PEMT: variants seen among roughly 807,000 people sequenced by gnomAD.
PEMT encodes the protein phosphatidylethanolamine N-methyltransferase.
Under a neutral mutation model 27.4 loss-of-function variants are expected in PEMT, and 23 were observed. That is an observed-to-expected ratio of 0.84 (90% confidence interval 0.60 to 1.19). The LOEUF (loss-of-function observed/expected upper bound fraction) is 1.19. PEMT is among the 50% of genes most tolerant of loss of function. The pLI, the probability that PEMT is intolerant of heterozygous loss-of-function variation, is 0.00. For missense variants in PEMT, 307 were observed against 310.1 expected, an observed-to-expected ratio of 0.99 and a Z score of 0.07; for synonymous variants, 137 against 139.1, an observed-to-expected ratio of 0.98 and a Z score of 0.11.
At chr17:17,566,943 G>A (rs1314520022) in intron 2 of PEMT, among the ~76,000 whole-genome samples, 1 of 152,244 alleles carries the variant, frequency 6.6e-6, no homozygotes, top group Non-Finnish European at 1.5e-5. Context: ...CAGTGTGGGA[G>A]GGATCCCGAG....
chr17:17,558,476 C>T (rs2142680237), intron 2 of PEMT, among the ~76,000 whole-genome samples: 1 of 151,472 alleles, frequency 6.6e-6, no homozygotes, highest in South Asian at 2.1e-4. Context: ...CCATTGTACT[C>T]CAACCTGGGC....
chr17:17,581,226 C>A (rs140999520), intron 1 of PEMT, among the ~76,000 whole-genome samples: 1 of 152,246 alleles, frequency 6.6e-6, no homozygotes, highest in East Asian at 1.9e-4. Flanking sequence ...GAATTCAACT[C>A]GATGTTAGTC....
In PEMT at chr17:17,563,866, T is replaced by G. The variant is rs1470311115; in HGVS notation, c.204+13054A>C. 2.0e-5 allele frequency among the ~76,000 whole-genome samples: 3 copies of G among 152,158 alleles called. No homozygotes were observed. The South Asian group carries it at 6.2e-4, about 32-fold the overall frequency. On this transcript the variant is annotated intron_variant, in intron 2 of 6. Coordinates refer to ENST00000255389, the MANE Select transcript of PEMT (RefSeq NM_148172.3). The stretch of plus-strand genomic sequence containing the variant: ...CCTCACCCAGGAGTGGGGCACAGTC[T>G]GCCCGCCTCCCCAGGAGGGCACTGG...
intron 2 of PEMT, among the ~76,000 whole-genome samples, chr17:17,567,802 G>GA (rs1460880798): frequency 3.9e-5 from 6 of 152,220 alleles, no homozygotes; most frequent in Admixed American, 6.5e-5. Flanking sequence ...TCTGCTCAAA[G>GA]AAAAACCCTT....
chr17:17,572,706 C>A (rs552258466), intron 2 of PEMT, among the ~76,000 whole-genome samples: 24 of 152,350 alleles, frequency 1.6e-4, no homozygotes, highest in Non-Finnish European at 2.9e-4. Flanking sequence ...TGGTGCCCAG[C>A]GCACAGTAGA....
At chr17:17,531,743 C>G (rs994462118) in intron 2 of PEMT, among the ~76,000 whole-genome samples, 4 of 149,698 alleles carry the variant, frequency 2.7e-5, no homozygotes, top group African/African-American at 9.8e-5. Context: ...ATATATCAAT[C>G]TAAATATATA....
chr17:17,543,074 A>G (rs550473650), intron 2 of PEMT, among the ~76,000 whole-genome samples: 1 of 152,312 alleles, frequency 6.6e-6, no homozygotes, highest in South Asian at 2.1e-4. Context: ...CCACCGGGGA[A>G]GCATGTCAGA....
At chr17:17,590,873 G>C (rs1400383309) in intron 1 of PEMT, among the ~76,000 whole-genome samples, 1 of 152,222 alleles carries the variant, frequency 6.6e-6, no homozygotes, top group African/African-American at 2.4e-5. Flanking sequence ...CTCTGGCCTA[G>C]GACTCTGCAG....
intron 2 of PEMT, among the ~76,000 whole-genome samples, chr17:17,554,087 G>T (rs911752029): frequency 3.9e-5 from 6 of 152,242 alleles, no homozygotes; most frequent in African/African-American, 2.4e-5. Flanking sequence ...CAGGCTCGGG[G>T]CCTGGTAGCC....
intron 2 of PEMT, among the ~76,000 whole-genome samples, chr17:17,552,138 G>T (rs374296791): frequency 1.4e-4 from 22 of 152,102 alleles, no homozygotes; most frequent in African/African-American, 5.1e-4. Flanking sequence ...GGAGGTGGAG[G>T]TTGTCTCTAC....
chr17:17,505,618 GC>G lies in PEMT; in HGVS notation c.*172del, dbSNP rs1366248980. 1.8e-6 allele frequency: 1 copy of G among 569,684 alleles called. No homozygotes were observed. The highest frequency in any genetic ancestry group is 2.8e-6 in the Non-Finnish European group (1 of 353,862). The allele number at this position is 569,684 out of a possible 1,614,324, so 35.3% of individuals were successfully genotyped here. A position where few individuals can be genotyped will look rare whatever the true frequency, so the allele number is the denominator to read the frequency against. ...GGAATGTGTGGGTTGGAGCTCAATGGCCATATGTCGGCACGTCCAGGGTCCC... is the reference window on the plus strand; with the variant it reads ...GGAATGTGTGGGTTGGAGCTCAATGGCATATGTCGGCACGTCCAGGGTCCC... On this transcript the variant is annotated 3_prime_UTR_variant, in exon 7 of 7. Coordinates refer to ENST00000255389, the MANE Select transcript of PEMT (RefSeq NM_148172.3).
At chr17:17,572,949 G>A (rs1376140889) in intron 2 of PEMT, among the ~76,000 whole-genome samples, 1 of 152,182 alleles carries the variant, frequency 6.6e-6, no homozygotes, top group African/African-American at 2.4e-5. Flanking sequence ...AGCACTTTGG[G>A]AGGCCAACGC....
intron 2 of PEMT, among the ~76,000 whole-genome samples, chr17:17,566,945 G>A (rs779187990): frequency 6.6e-6 from 1 of 152,224 alleles, no homozygotes; most frequent in African/African-American, 2.4e-5. Context: ...GTGTGGGAGG[G>A]ATCCCGAGAG....
intron 2 of PEMT, among the ~76,000 whole-genome samples, chr17:17,574,586 G>C (rs1911453543): frequency 6.6e-6 from 1 of 152,178 alleles, no homozygotes; most frequent in Non-Finnish European, 1.5e-5. Context: ...CTCCCAAAGT[G>C]CTGGGATTAC....
In PEMT at chr17:17,561,746, C is replaced by A. The variant is rs1041652158; in HGVS notation, c.204+15174G>T. ...GAGGCCCAGAGATATGAGGGGGGCA[C>A]AACCGCACCGGGCTCCCGAGGATGG... On this transcript the variant is annotated intron_variant, in intron 2 of 6. Coordinates refer to ENST00000255389, the MANE Select transcript of PEMT (RefSeq NM_148172.3). This position sits in a 1 kb window ranked among gnomAD's most constrained non-coding sequence, Gnocchi z 4.5. Among the ~76,000 whole-genome samples, 14 of 152,318 alleles carry A rather than the reference C, an allele frequency of 9.2e-5. No homozygotes were observed. The highest frequency in any genetic ancestry group is 1.6e-4 in the Non-Finnish European group (11 of 68,032).
chr17:17,539,177 C>T (rs1024718512), intron 2 of PEMT, among the ~76,000 whole-genome samples: 3 of 152,108 alleles, frequency 2.0e-5, no homozygotes, highest in East Asian at 1.9e-4. Context: ...GATGGGGTCT[C>T]GCTATGTTGC....
chr17:17,552,515 G>A (rs1029603335), intron 2 of PEMT, among the ~76,000 whole-genome samples: 1 of 152,160 alleles, frequency 6.6e-6, no homozygotes, highest in Admixed American at 6.5e-5. Context: ...TGGGTGAGAC[G>A]CTGCTCCTCA....
intron 1 of PEMT, among the ~76,000 whole-genome samples, chr17:17,580,650 CTA>C (rs1911920509): frequency 6.6e-6 from 1 of 152,184 alleles, no homozygotes; most frequent in African/African-American, 2.4e-5. Context: ...ACAGCAGACC[CTA>C]TGAGTGGGCC....
chr17:17,510,542 A>C (rs1312722763), intron 4 of PEMT, among the ~76,000 whole-genome samples: 1 of 152,134 alleles, frequency 6.6e-6, no homozygotes, highest in African/African-American at 2.4e-5. Context: ...GGACCACTGG[A>C]AAGTTCTTTC....
Sources: gnomAD v4.1 joint callset for allele counts (sites outside exome capture counted in the v4.1 genomes callset) on GRCh38, gnomAD v4.1.1 for gene constraint, Gnocchi (gnomAD v3.1) non-coding constraint, MANE v1.5 for transcripts, NCBI Gene and HGNC (gene_info 2026-07-23, HGNC 2026-07-21) for gene names.